Variants in GTF3C1 observed in about 807,000 individuals in gnomAD.
GTF3C1 encodes general transcription factor 3C polypeptide 1.
A neutral mutation model predicts 226.7 loss-of-function variants in GTF3C1; 57 were observed. The ratio of observed to expected loss-of-function variants is 0.25; its 90% CI spans 0.20 to 0.31. The LOEUF (loss-of-function observed/expected upper bound fraction) is 0.31. Ranked by LOEUF, GTF3C1 falls within the 10% of genes least tolerant of loss-of-function variation. The pLI, the probability that GTF3C1 is intolerant of heterozygous loss-of-function variation, is 1.00. For missense variants in GTF3C1, 2,217 were observed against 2,776.1 expected (o/e 0.80, Z 4.53); for synonymous variants, 1,090 against 1,084.8 (o/e 1.00, Z -0.09).
chr16:27,505,898 C>T lies in GTF3C1; in HGVS notation c.1770+1G>A. On this transcript the variant is annotated splice_donor_variant, in intron 10 of 36. Transcript: ENST00000356183. LOFTEE classifies it high-confidence loss of function. ...AGCTCCCTCCCTCTGCATGCACTGA[C>T]CTTTGGGTTTTCCATCCGGACCTCC... The T allele has an allele frequency of 6.4e-7, 1 of 1,561,636 alleles. No homozygotes were observed. Among genetic ancestry groups the T allele is most frequent in the Non-Finnish European group, 8.8e-7 (1 of 1,132,100 alleles).
chr16:27,528,577 G>T, intron 6 of GTF3C1, 21 bp downstream of exon 6: 1 of 1,600,198 alleles, frequency 6.2e-7, no homozygotes, highest in Non-Finnish European at 8.6e-7. Context: ...CAAGGGAACA[G>T]AAGCTGAGAC....
chr16:27,531,820 G>T (rs1462984653), intron 5 of GTF3C1, among the ~76,000 whole-genome samples: 7 of 152,176 alleles, frequency 4.6e-5, no homozygotes, highest in Non-Finnish European at 2.9e-5. Flanking sequence ...CGGTGGCCAG[G>T]TATTTGTTTA....
chr16:27,523,571 G>A (rs967474646), intron 6 of GTF3C1, among the ~76,000 whole-genome samples: 4 of 152,008 alleles, frequency 2.6e-5, no homozygotes, highest in Admixed American at 6.6e-5. Context: ...TGCCTCCTGC[G>A]CACGGAAAGT....
At chr16:27,536,390 C>T (rs992541038) in intron 4 of GTF3C1, among the ~76,000 whole-genome samples, 3 of 152,068 alleles carry the variant, frequency 2.0e-5, no homozygotes, top group Non-Finnish European at 2.9e-5. Context: ...GTCAGGAGTT[C>T]GAGACCAGCC....
At chr16:27,512,276 C>A (rs1342797652) in intron 6 of GTF3C1, among the ~76,000 whole-genome samples, 1 of 152,148 alleles carries the variant, frequency 6.6e-6, no homozygotes, top group Non-Finnish European at 1.5e-5. Flanking sequence ...ACACGGCCCA[C>A]ACTCAGGAGG....
At chr16:27,490,302 C>G (rs146482411) in intron 19 of GTF3C1, among the ~76,000 whole-genome samples, 20 of 152,212 alleles carry the variant, frequency 1.3e-4, no homozygotes, top group African/African-American at 3.9e-4. Flanking sequence ...TTCTGTAATA[C>G]AGAAAATTGC....
intron 2 of GTF3C1, among the ~76,000 whole-genome samples, chr16:27,538,733 A>C (rs975546013): frequency 5.3e-5 from 8 of 152,064 alleles, no homozygotes; most frequent in Admixed American, 1.3e-4. Flanking sequence ...CACCCACAGG[A>C]GGCTTCCTGT....
In GTF3C1 at chr16:27,501,264, A is replaced by G; in HGVS notation, c.1988T>C (p.Val663Ala). 1 of 1,613,636 alleles carries G rather than the reference A, an allele frequency of 6.2e-7. No homozygotes were observed. Among genetic ancestry groups the G allele is most frequent in the Non-Finnish European group, 8.5e-7 (1 of 1,179,488 alleles). ...KCCKKSIVRL[V>A]RNLSEEGLLR... ...GAGACCTTCCTCAGACAGGTTCCGC[A>G]CCAAGCGGACAATGGACTTCTTGCA... The change falls in exon 12 of 37, where the codon GTG becomes GCG. Residue 663 changes from valine (V) to alanine (A), a missense_variant. Val to Ala is a moderately conservative substitution (Grantham distance 64, BLOSUM62 0). Coordinates refer to ENST00000356183, the MANE Select transcript of GTF3C1 (RefSeq NM_001520.4).
intron 6 of GTF3C1, among the ~76,000 whole-genome samples, chr16:27,518,412 TC>T (rs1249310935): frequency 1.3e-5 from 2 of 152,254 alleles, no homozygotes; most frequent in Non-Finnish European, 2.9e-5. Context: ...GCCTGTTTCC[TC>T]AGCTATAAAA....
chr16:27,503,061 C>A, intron 10 of GTF3C1, 66 bp from the exon 11 acceptor site: 2 of 1,234,666 alleles, frequency 1.6e-6, no homozygotes, highest in Non-Finnish European at 1.2e-6. Flanking sequence ...ACGCACCACA[C>A]CTGTGGGTGC....
At chr16:27,483,223 CG>C in intron 25 of GTF3C1, 98 bp from the exon 26 acceptor site, 2 of 1,180,998 alleles carry the variant, frequency 1.7e-6, no homozygotes, top group Non-Finnish European at 1.2e-6. Flanking sequence ...TGGCCTTGGC[CG>C]ACCTTGAAGC....
At position 27,549,783 on chromosome 16, in the gene GTF3C1, C is replaced by T; in HGVS notation, c.108G>A (p.Pro36=). Residue 36 remains proline, a synonymous_variant, in exon 1 of 37, where the codon CCG becomes CCA. Transcript: ENST00000356183. The stretch of plus-strand genomic sequence containing the variant: ...CCTGCGTGCAGGGTTCCAAAGGCAG[C>T]GGGAAGGGCGGCACTCGCGTCTCCA... The part of the protein sequence containing the change: ...SRLETRVPPF[P]LPLEPCTQEF... 1 of 1,612,668 alleles carries T rather than the reference C, an allele frequency of 6.2e-7. No individual in the cohort carries two copies. The highest frequency in any genetic ancestry group is 8.5e-7 in the Non-Finnish European group (1 of 1,179,712).
chr16:27,535,284 T>C (rs1193218181), intron 4 of GTF3C1, among the ~76,000 whole-genome samples: 5 of 152,176 alleles, frequency 3.3e-5, no homozygotes, highest in Non-Finnish European at 7.4e-5. Flanking sequence ...AAAAATGCCA[T>C]ATGATGGGCC....
At chr16:27,511,955 G>A in intron 6 of GTF3C1, 54 bp from the exon 7 acceptor site, 1 of 1,589,148 alleles carries the variant, frequency 6.3e-7, no homozygotes, top group Non-Finnish European at 8.6e-7. Flanking sequence ...TGCTGCGTGG[G>A]GGAGGTGAGG....
chr16:27,530,120 T>A (rs1309008820), intron 5 of GTF3C1, among the ~76,000 whole-genome samples: 1 of 152,110 alleles, frequency 6.6e-6, no homozygotes, highest in Non-Finnish European at 1.5e-5. Context: ...CCTCTTACAT[T>A]CTGGGGGGAG....
intron 11 of GTF3C1, among the ~76,000 whole-genome samples, chr16:27,502,092 T>C (rs1426515220): frequency 1.5e-5 from 2 of 131,622 alleles, no homozygotes; most frequent in African/African-American, 3.1e-5. Flanking sequence ...AGACTCCATC[T>C]CAAAAAAAAA....
rs368363336 is a variant in GTF3C1, at chr16:27,501,453, G to T, written c.1908-109C>A. The T allele has an allele frequency of 7.2e-6, 7 of 977,290 alleles. No homozygotes were observed. In the East Asian group the frequency reaches 1.7e-4, roughly 23 times the overall value. 60.5% of individuals were successfully genotyped at this position (977,290 alleles called of 1,614,324 possible). On this transcript the variant is annotated intron_variant, in intron 11 of 36. Transcript: ENST00000356183. ...ACGGTACCCAATAGAAACAAGGAAG[G>T]ATCAAACGGGGTTTCCCCACCCTGG... is the stretch of plus-strand genomic sequence containing the variant.
chr16:27,496,414 A>G (rs1567397920), intron 14 of GTF3C1, among the ~76,000 whole-genome samples: 1 of 152,012 alleles, frequency 6.6e-6, no homozygotes, highest in East Asian at 1.9e-4. Flanking sequence ...TTTGTTGTTT[A>G]TTGTTGTTGT....
Position 27,469,794 on chromosome 16 carries a change from G to A in GTF3C1, c.4815-244C>T, listed in dbSNP as rs1004552135. ...TCTGTGGGGACTGTTCCTTTTGCCCGTCTCTCAGCCCAGAAAACACCCATT... is the reference window on the plus strand; with the variant it reads ...TCTGTGGGGACTGTTCCTTTTGCCCATCTCTCAGCCCAGAAAACACCCATT... On this transcript the variant is annotated intron_variant, in intron 31 of 36. Coordinates refer to ENST00000356183, the MANE Select transcript of GTF3C1 (RefSeq NM_001520.4). The surrounding 1 kb of genome is among the most constrained non-coding windows in gnomAD (Gnocchi z 4.5). Among the ~76,000 whole-genome samples the A allele has an allele frequency of 1.3e-5, 2 of 152,152 alleles. No homozygotes were observed. Among genetic ancestry groups the A allele is most frequent in the East Asian group, 3.9e-4 (2 of 5,176 alleles).
Sources: gnomAD v4.1 joint callset for allele counts (sites outside exome capture counted in the v4.1 genomes callset) on GRCh38, gnomAD v4.1.1 for gene constraint, Gnocchi (gnomAD v3.1) non-coding constraint, MANE v1.5 for transcripts, NCBI Gene and HGNC (gene_info 2026-07-23, HGNC 2026-07-21) for gene names.